Variants in NPAS3 observed in about 807,000 individuals in gnomAD.
The protein encoded by NPAS3 is neuronal PAS domain protein 3, also known as neuronal PAS domain-containing protein 3.
Under a neutral mutation model 73.1 loss-of-function variants are expected in NPAS3, and 14 were observed. The ratio of observed to expected loss-of-function variants is 0.19; its 90% CI spans 0.13 to 0.30. The LOEUF (loss-of-function observed/expected upper bound fraction) is 0.30. NPAS3 is among the 10% of genes least tolerant of loss of function. NPAS3 has a pLI of 1.00. For missense variants in NPAS3, 1,096 were observed against 1,250.0 expected, an observed-to-expected ratio of 0.88 and a Z score of 1.86; for synonymous variants, 620 against 541.5, an observed-to-expected ratio of 1.14 and a Z score of -2.01.
chr14:33,342,256 T>C (rs2044522250), intron 3 of NPAS3, among the ~76,000 whole-genome samples: 1 of 152,210 alleles, frequency 6.6e-6, no homozygotes, highest in African/African-American at 2.4e-5. Flanking sequence ...CAGGAACAGT[T>C]CTTCAAATAG....
chr14:33,774,658 C>A, intron 8 of NPAS3, 128 bp downstream of exon 8: 1 of 696,664 alleles, frequency 1.4e-6, no homozygotes, highest in Non-Finnish European at 2.4e-6. Flanking sequence ...TTTTTAATGG[C>A]CACTTGGACT....
intron 2 of NPAS3, among the ~76,000 whole-genome samples, chr14:33,073,134 G>A (rs1225566156): frequency 6.6e-6 from 1 of 152,116 alleles, no homozygotes; most frequent in Non-Finnish European, 1.5e-5. Context: ...TATGTTGAGG[G>A]AGGATGTGGT....
chr14:33,524,459 A>G (rs1477257255), intron 4 of NPAS3, among the ~76,000 whole-genome samples: 1 of 152,184 alleles, frequency 6.6e-6, no homozygotes, highest in Non-Finnish European at 1.5e-5. Flanking sequence ...ATTTTTACAA[A>G]AGAGGAAATT....
At chr14:33,788,237 C>G (rs1210757370) in intron 9 of NPAS3, among the ~76,000 whole-genome samples, 1 of 152,166 alleles carries the variant, frequency 6.6e-6, no homozygotes, top group Admixed American at 6.5e-5. Context: ...GAGTCTGTAG[C>G]AGAAGGCACC....
intron 5 of NPAS3, among the ~76,000 whole-genome samples, chr14:33,601,961 T>C (rs1402939596): frequency 2.0e-5 from 3 of 152,132 alleles, no homozygotes; most frequent in Admixed American, 6.5e-5. Flanking sequence ...GATCTGGTAA[T>C]GAAGGACAGT....
chr14:33,076,337 C>A (rs973167494), intron 2 of NPAS3, among the ~76,000 whole-genome samples: 1 of 152,132 alleles, frequency 6.6e-6, no homozygotes, highest in African/African-American at 2.4e-5. Flanking sequence ...CCCATAGATA[C>A]CATGTTACCA....
At chr14:33,376,122 A>G (rs149142957) in intron 4 of NPAS3, among the ~76,000 whole-genome samples, 123 of 152,312 alleles carry the variant, frequency 8.1e-4, no homozygotes, top group Middle Eastern at 3.4e-3. Context: ...ACACAGGATC[A>G]AACAGAGGTT....
At chr14:33,778,315 T>A in intron 8 of NPAS3, 151 bp from the exon 9 acceptor site, 1 of 519,748 alleles carries the variant, frequency 1.9e-6, no homozygotes, top group Non-Finnish European at 3.4e-6. Context: ...AAAGAAATAA[T>A]CTTATGTATA....
At chr14:33,332,500 T>C (rs1177672355) in intron 3 of NPAS3, among the ~76,000 whole-genome samples, 1 of 152,194 alleles carries the variant, frequency 6.6e-6, no homozygotes, top group Admixed American at 6.5e-5. Flanking sequence ...GTGTGTTAGA[T>C]GTTTCAACCA....
chr14:33,533,517 T>A (rs180982577), intron 4 of NPAS3, among the ~76,000 whole-genome samples: 1 of 152,288 alleles, frequency 6.6e-6, no homozygotes, highest in East Asian at 1.9e-4. Flanking sequence ...TTGCTATTGA[T>A]GAGAATGCAT....
In NPAS3 at chr14:33,645,164, G is replaced by A. The variant is rs200116424; in HGVS notation, c.559-31047G>A. Among the ~76,000 whole-genome samples, 73 of 152,222 alleles carry A rather than the reference G, an allele frequency of 4.8e-4. No homozygotes were observed. In the East Asian group the frequency reaches 0.013, roughly 28 times the overall value. On this transcript the variant is annotated intron_variant, in intron 5 of 11. Coordinates refer to ENST00000356141, the Ensembl canonical transcript of NPAS3. ...GACTAAGAACTGAGAAATGTCGAGA[G>A]TTGGTAAGTGCCTGAAATGGAAAGG...
intron 5 of NPAS3, among the ~76,000 whole-genome samples, chr14:33,586,748 C>T (rs2056874732): frequency 6.6e-6 from 1 of 152,112 alleles, no homozygotes; most frequent in Admixed American, 6.5e-5. Context: ...TGAACAAACA[C>T]GTATGTTTCG....
chr14:33,732,043 CA>C (rs2061415367), intron 6 of NPAS3, among the ~76,000 whole-genome samples: 1 of 152,156 alleles, frequency 6.6e-6, no homozygotes. Context: ...TCAGAGCATG[CA>C]ACAATTATGA....
chr14:33,357,272 T>A (rs1327951988), intron 3 of NPAS3, among the ~76,000 whole-genome samples: 3 of 152,230 alleles, frequency 2.0e-5, no homozygotes, highest in African/African-American at 7.2e-5. Flanking sequence ...GCATTCAGCA[T>A]CTTAAAACCA....
chr14:33,171,400 C>T (rs1351496423), intron 2 of NPAS3, among the ~76,000 whole-genome samples: 2 of 152,220 alleles, frequency 1.3e-5, no homozygotes. Context: ...TTACCAGCTG[C>T]TTTAGCTTCT....
intron 2 of NPAS3, among the ~76,000 whole-genome samples, chr14:33,194,439 G>T (rs914020134): frequency 6.6e-6 from 1 of 152,106 alleles, no homozygotes; most frequent in Non-Finnish European, 1.5e-5. Context: ...TACTCAAAAT[G>T]TGCTGCCTCA....
chr14:33,500,255 G>A (rs1029818821), intron 4 of NPAS3, among the ~76,000 whole-genome samples: 3 of 151,894 alleles, frequency 2.0e-5, no homozygotes, highest in Admixed American at 6.6e-5. Flanking sequence ...GAAGGGCGGG[G>A]TTGGGAGTTT....
intron 5 of NPAS3, among the ~76,000 whole-genome samples, chr14:33,670,818 T>C (rs576314817): frequency 6.7e-4 from 102 of 152,098 alleles, no homozygotes; most frequent in African/African-American, 2.2e-3. Flanking sequence ...TGACCTTTTA[T>C]TCAGATATTG....
chr14:33,631,275 G>C (rs902652676), intron 5 of NPAS3, among the ~76,000 whole-genome samples: 5 of 152,164 alleles, frequency 3.3e-5, no homozygotes, highest in African/African-American at 9.7e-5. Flanking sequence ...GTAATGTGTA[G>C]TCTAAAATAC....
Sources: gnomAD v4.1 joint callset for allele counts (sites outside exome capture counted in the v4.1 genomes callset) on GRCh38, gnomAD v4.1.1 for gene constraint, MANE v1.5 for transcripts, NCBI Gene and HGNC (gene_info 2026-07-23, HGNC 2026-07-21) for gene names.